Variants in RBM25 observed in about 807,000 individuals in gnomAD.
The protein encoded by RBM25 is RNA binding motif protein 25, also known as RNA-binding protein 25.
Under a neutral mutation model 120.7 loss-of-function variants are expected in RBM25, and 19 were observed. The observed-to-expected ratio is 0.16, with a 90% confidence interval of 0.11 to 0.23. The LOEUF (loss-of-function observed/expected upper bound fraction) is 0.23. Among genes scored for constraint, RBM25 ranks in the 10% least tolerant of loss-of-function variants. The pLI is 1.00. For synonymous variants in RBM25, 390 were observed against 326.7 expected (o/e 1.19, Z -2.09); for missense variants, 605 against 1,041.5 (o/e 0.58, Z 5.77).
chr14:73,112,073 C>G, intron 16 of RBM25, 79 bp from the exon 17 acceptor site: 1 of 1,319,780 alleles, frequency 7.6e-7, no homozygotes, highest in Admixed American at 2.3e-5. Context: ...ATTTTAGTCT[C>G]AGGAAAAATC....
chr14:73,111,348 T>C, intron 15 of RBM25, 180 bp from the exon 16 acceptor site: 1 of 860,482 alleles, frequency 1.2e-6, no homozygotes, highest in East Asian at 2.7e-5. Context: ...CCTCGAGTTC[T>C]GAGAAGAAGT....
At position 73,096,918 on chromosome 14, in the gene RBM25, G is replaced by T. The variant is rs1358348712; in HGVS notation, c.547G>T (p.Ala183Ser). The T allele has an allele frequency of 6.2e-7, 1 of 1,608,876 alleles. No individual in the cohort carries two copies. ...TGAATTTGCTGTTTTGTTTAAGAAT[G>T]CAAGGCCAGAAACTGTCACTAATGA... ...KAKKKASNGN[A>S]RPETVTNDDE... The change falls in exon 7 of 19, where the codon GCA (alanine) becomes TCA (serine). Residue 183 changes from alanine (A) to serine (S), a missense_variant. Ala to Ser is a moderately conservative substitution (Grantham distance 99). Around this residue, in one of 4 missense-constraint regions of RBM25, gnomAD observed 465 missense variants for 741.6 expected, o/e 0.63. Transcript: ENST00000261973.
At chr14:73,103,948 T>TCACACACACACA (rs368961634) in intron 10 of RBM25, among the ~76,000 whole-genome samples, 12 of 91,420 alleles carry the variant, frequency 1.3e-4, no homozygotes, top group Non-Finnish European at 1.9e-4. Context: ...TCTCTCTCTC[T>TCACACACACACA]CACACACACA....
intron 12 of RBM25, 68 bp from the exon 13 acceptor site, chr14:73,107,758 C>G: frequency 8.4e-7 from 1 of 1,192,128 alleles, no homozygotes; most frequent in Non-Finnish European, 1.2e-6. Flanking sequence ...TCTGTTTACA[C>G]AAAAAAGGGA....
Position 73,076,301 on chromosome 14 carries a change from T to TG in RBM25, c.107-16dup. ...AGAATGCAGTCATGTAAAATCAGTG[T>TG]GGTTTTTCTTTTCTTAGGGACCCCA... is the stretch of plus-strand genomic sequence containing the variant. On this transcript the variant is annotated splice_polypyrimidine_tract_variant and intron_variant, in intron 2 of 18. Transcript: ENST00000261973. 6.2e-7 allele frequency: 1 copy of TG among 1,600,018 alleles called. No individual in the cohort carries two copies. Among genetic ancestry groups the TG allele is most frequent in the Non-Finnish European group, 8.6e-7 (1 of 1,167,260 alleles).
chr14:73,103,292 G>A lies in RBM25; in HGVS notation c.968G>A (p.Arg323Gln). The change falls in exon 10 of 19, where the codon CGA becomes CAA. Residue 323 changes from arginine to glutamine, a missense_variant. Arg to Gln is a conservative substitution (Grantham distance 43). Transcript: ENST00000261973. Reference sequence around the variant, plus strand: ...GAGCGTGAAAGGGAACGAGAAAGGCGAGAACGGGAACGAGAAAGGGAAAGA... The same window carrying A: ...GAGCGTGAAAGGGAACGAGAAAGGCAAGAACGGGAACGAGAAAGGGAAAGA... ...ERERERERERRERERERERER... is the reference protein window; with the variant it reads ...ERERERERERQERERERERER... 3.2e-6 allele frequency: 5 copies of A among 1,585,396 alleles called. No individual in the cohort carries two copies. The highest frequency in any genetic ancestry group is 3.4e-6 in the Non-Finnish European group (4 of 1,164,410).
intron 1 of RBM25, among the ~76,000 whole-genome samples, chr14:73,060,274 T>G (rs1330130841): frequency 6.6e-6 from 1 of 151,394 alleles, no homozygotes; most frequent in Non-Finnish European, 1.5e-5. Flanking sequence ...CCTGACCTCG[T>G]GATCCGCCCG....
intron 6 of RBM25, chr14:73,088,445 C>T (rs1354370883): frequency 9.3e-6 from 5 of 537,152 alleles, no homozygotes; most frequent in African/African-American, 1.9e-5. Flanking sequence ...CTATTCCAAA[C>T]AGAGCTAATT....
intron 1 of RBM25, among the ~76,000 whole-genome samples, chr14:73,061,126 C>G (rs896103493): frequency 2.0e-5 from 3 of 150,112 alleles, no homozygotes; most frequent in African/African-American, 7.3e-5. Flanking sequence ...GGCGCGATCT[C>G]ACCTCACTGT....
At chr14:73,106,113 C>G (rs762323289) in intron 11 of RBM25, 32 bp downstream of exon 11, 8 of 1,595,396 alleles carry the variant, frequency 5.0e-6, no homozygotes, top group African/African-American at 1.4e-5. Flanking sequence ...ATTCTTAAAT[C>G]TTGGTATCCC....
chr14:73,094,190 T>TA lies in RBM25; in HGVS notation c.544-2725_544-2724insA, dbSNP rs2140446881. Among the ~76,000 whole-genome samples the TA allele has an allele frequency of 2.0e-5, 3 of 151,642 alleles. No homozygotes were observed. The South Asian group carries it at 6.3e-4, about 32-fold the overall frequency. On this transcript the variant is annotated intron_variant, in intron 6 of 18. Coordinates refer to ENST00000261973, the MANE Select transcript of RBM25 (RefSeq NM_021239.3). Reference sequence around the variant, plus strand: ...GGATGGTCTCGATCTCCTGACCTTGTGATCTGCCTGCCTCGGCCTCCCAAA... The same window carrying TA: ...GGATGGTCTCGATCTCCTGACCTTGTAGATCTGCCTGCCTCGGCCTCCCAAA...
chr14:73,070,557 A>G (rs1895261414), intron 1 of RBM25, among the ~76,000 whole-genome samples: 2 of 152,066 alleles, frequency 1.3e-5, no homozygotes, highest in African/African-American at 4.8e-5. Flanking sequence ...GCTGAGATGT[A>G]TGGTTCATGA....
intron 6 of RBM25, among the ~76,000 whole-genome samples, chr14:73,093,663 C>T (rs1403370823): frequency 2.0e-5 from 3 of 151,940 alleles, no homozygotes; most frequent in Non-Finnish European, 4.4e-5. Flanking sequence ...CCCGCCACCA[C>T]GCCTGGCTAA....
At chr14:73,077,583 A>G (rs1895452094) in intron 4 of RBM25, 47 bp downstream of exon 4, 13 of 1,458,086 alleles carry the variant, frequency 8.9e-6, no homozygotes, top group Non-Finnish European at 1.1e-5. Context: ...TTATCATTCT[A>G]CATTTCAAAC....
intron 6 of RBM25, among the ~76,000 whole-genome samples, chr14:73,094,500 T>C (rs1483149048): frequency 6.6e-6 from 1 of 151,722 alleles, no homozygotes; most frequent in Non-Finnish European, 1.5e-5. Context: ...CAGGCTGGAG[T>C]GCAGTGGCGT....
rs557786589 is a variant in RBM25, at chr14:73,079,159, A to G, written c.324+1623A>G. 1.6e-3 allele frequency among the ~76,000 whole-genome samples: 235 copies of G among 150,102 alleles called. 5 individuals carry two copies. The highest frequency in any genetic ancestry group is 4.9e-3 in the African/African-American group (201 of 41,328). On this transcript the variant is annotated intron_variant, in intron 4 of 18. Transcript: ENST00000261973. ...AAAATAAGGCCAGGTGCGGTGTCTC[A>G]CACCTGTAATCCCGGCACTTTGCGG...
At chr14:73,109,676 C>T (rs1896265853) in intron 14 of RBM25, among the ~76,000 whole-genome samples, 184 bp downstream of exon 14, 2 of 151,892 alleles carry the variant, frequency 1.3e-5, no homozygotes, top group South Asian at 2.1e-4. Flanking sequence ...GCCTGTAGTC[C>T]CAGCTACTCG....
At chr14:73,074,149 CT>C (rs1245301754) in intron 2 of RBM25, among the ~76,000 whole-genome samples, 1 of 152,172 alleles carries the variant, frequency 6.6e-6, no homozygotes. Flanking sequence ...TCAGTTTTCT[CT>C]TTGGTCCGTA....
intron 6 of RBM25, chr14:73,088,437 A>C: frequency 1.8e-6 from 1 of 551,622 alleles, no homozygotes; most frequent in African/African-American, 1.9e-5. Flanking sequence ...GGTACAGACT[A>C]TTCCAAACAG....
Sources: gnomAD v4.1 joint callset for allele counts (sites outside exome capture counted in the v4.1 genomes callset) on GRCh38, gnomAD v4.1.1 for gene constraint, gnomAD v4.1.1 regional missense constraint, MANE v1.5 for transcripts, NCBI Gene and HGNC (gene_info 2026-07-23, HGNC 2026-07-21) for gene names.